The following USP48 variants were observed in gnomAD, a reference collection of about 807,000 sequenced individuals.
USP48 encodes the protein ubiquitin carboxyl-terminal hydrolase 48.
In USP48, 43 loss-of-function variants were observed where a neutral mutation model predicts 150.7. The observed-to-expected ratio is 0.29, with a 90% CI of 0.22 to 0.37. The LOEUF is 0.37. Among genes scored for constraint, USP48 ranks in the 10% least tolerant of loss-of-function variants. The pLI is 1.00. For missense variants in USP48, 813 were observed against 1,249.6 expected (o/e 0.65, Z 5.27); for synonymous variants, 396 against 425.9 (o/e 0.93, Z 0.86).
In USP48 at chr1:21,679,384, G is replaced by T. The variant is rs1028712099; in HGVS notation, c.*33C>A. The T allele has an allele frequency of 1.9e-6, 3 of 1,613,830 alleles. No homozygotes were observed. The highest frequency in any genetic ancestry group is 2.5e-6 in the Non-Finnish European group (3 of 1,179,828). On this transcript the variant is annotated 3_prime_UTR_variant, in exon 27 of 27. Coordinates refer to ENST00000308271, the MANE Select transcript of USP48 (RefSeq NM_032236.8). ...CATGTCAAACTCCTCTTCCCCTCTG[G>T]TCATTTCTTAGCAGTCAGCAAGTAT...
At chr1:21,694,594 A>AAAAAAAAC (rs2097618224) in intron 23 of USP48, among the ~76,000 whole-genome samples, 1 of 123,372 alleles carries the variant, frequency 8.1e-6, no homozygotes, top group East Asian at 2.2e-4. Flanking sequence ...AAAAAAAAAA[A>AAAAAAAAC]AAAAAAAAAA....
intron 1 of USP48, among the ~76,000 whole-genome samples, chr1:21,759,946 G>C (rs2097846103): frequency 2.6e-5 from 4 of 152,098 alleles, no homozygotes; most frequent in African/African-American, 7.2e-5. Context: ...TAATTACAAA[G>C]GGAAAGATAA....
rs143047766 is a variant in USP48, at chr1:21,703,614, G to C, written c.2520C>G (p.Leu840=). ...ATAAGCCTTCTCTGCATTCTGGACA[G>C]AGTTCTTTGGGGGAAAAAAAAAAAG... is the stretch of plus-strand genomic sequence containing the variant. ...SETQYISEPK[L]CPECREGLLC... The change falls in exon 21 of 27, where the codon CTC becomes CTG. Residue 840 remains leucine (L), a synonymous_variant. Transcript: ENST00000308271. 6 of 1,598,296 alleles carry C rather than the reference G, an allele frequency of 3.8e-6. No homozygotes were observed. The African/African-American group carries it at 8.1e-5, about 22-fold the overall frequency.
At chr1:21,722,619 T>A (rs551816898) in intron 12 of USP48, among the ~76,000 whole-genome samples, 156 of 143,714 alleles carry the variant, frequency 1.1e-3, no homozygotes, top group African/African-American at 3.8e-3. Flanking sequence ...CCGAGGCAGG[T>A]CAATCACTTG....
At chr1:21,778,860 C>T (rs2097907077) in intron 1 of USP48, among the ~76,000 whole-genome samples, 2 of 151,846 alleles carry the variant, frequency 1.3e-5, no homozygotes, top group Admixed American at 6.6e-5. Context: ...TGCCATTCTC[C>T]TGCCTTTGCC....
chr1:21,693,006 G>A (rs2097607560), intron 23 of USP48, among the ~76,000 whole-genome samples: 1 of 152,104 alleles, frequency 6.6e-6, no homozygotes, highest in Non-Finnish European at 1.5e-5. Flanking sequence ...CAGGAACCAT[G>A]AAAACCCTGT....
At chr1:21,746,317 C>T (rs572414048) in intron 8 of USP48, among the ~76,000 whole-genome samples, 11 of 152,162 alleles carry the variant, frequency 7.2e-5, no homozygotes, top group Admixed American at 2.0e-4. Flanking sequence ...TTGGCCAACA[C>T]GGCAAAACCC....
chr1:21,777,495 A>G (rs2152655684), intron 1 of USP48, among the ~76,000 whole-genome samples: 1 of 152,014 alleles, frequency 6.6e-6, no homozygotes, highest in African/African-American at 2.4e-5. Context: ...TAAGACCCCA[A>G]CTCTACAAAA....
chr1:21,721,196 T>A, intron 13 of USP48, 30 bp from the exon 14 acceptor site: 2 of 1,611,378 alleles, frequency 1.2e-6, no homozygotes, highest in Non-Finnish European at 1.7e-6. Flanking sequence ...TTAAATCATA[T>A]AAGTAATATT....
In USP48 at chr1:21,706,229, G is replaced by A. The variant is rs376581117; in HGVS notation, c.2212-42C>T. ...ACAAAACAGTATCCGTCAATTCACC[G>A]CCTGCTTAACACAAATTCCTTATAA... is the stretch of plus-strand genomic sequence containing the variant. On this transcript the variant is annotated intron_variant, in intron 17 of 26. Coordinates refer to ENST00000308271, the MANE Select transcript of USP48 (RefSeq NM_032236.8). 23 of 1,595,140 alleles carry A rather than the reference G, an allele frequency of 1.4e-5. No individual in the cohort carries two copies. The African/African-American group carries it at 2.8e-4, about 20-fold the overall frequency.
At position 21,752,956 on chromosome 1, in the gene USP48, T is replaced by C. The variant is rs2097820426; in HGVS notation, c.540+36A>G. The C allele has an allele frequency of 2.6e-6, 4 of 1,555,088 alleles. No individual in the cohort carries two copies. The East Asian group carries it at 9.2e-5, about 36-fold the overall frequency. On this transcript the variant is annotated intron_variant, in intron 4 of 26. Transcript: ENST00000308271. ...CATGCTTAGGATGTTTGGGTACCTC[T>C]GAATATTTAAAAAAAAAAAAAAATT... is the stretch of plus-strand genomic sequence containing the variant.
At chr1:21,723,209 TCA>T (rs1184624439) in intron 12 of USP48, among the ~76,000 whole-genome samples, 1 of 152,110 alleles carries the variant, frequency 6.6e-6, no homozygotes, top group Non-Finnish European at 1.5e-5. Context: ...CATCTACAGC[TCA>T]CACACTGTTA....
chr1:21,714,925 T>TA (rs1229962099), intron 15 of USP48, among the ~76,000 whole-genome samples: 1 of 151,790 alleles, frequency 6.6e-6, no homozygotes, highest in Non-Finnish European at 1.5e-5. Flanking sequence ...GGGAGGCAAA[T>TA]TTAAAAATTA....
At chr1:21,781,363 A>G (rs1009661478) in intron 1 of USP48, among the ~76,000 whole-genome samples, 4 of 152,094 alleles carry the variant, frequency 2.6e-5, no homozygotes, top group African/African-American at 9.7e-5. Context: ...CGCTTGAACC[A>G]AGGAGGCAGA....
chr1:21,721,222 CCCTT>C, intron 13 of USP48, 56 bp from the exon 14 acceptor site: 1 of 1,588,046 alleles, frequency 6.3e-7, no homozygotes, highest in Non-Finnish European at 8.6e-7. Context: ...ACACTGTCCT[CCCTT>C]CTTTGCCTGT....
chr1:21,700,790 T>C (rs2097653276), intron 22 of USP48, among the ~76,000 whole-genome samples: 1 of 152,180 alleles, frequency 6.6e-6, no homozygotes, highest in Non-Finnish European at 1.5e-5. Flanking sequence ...AGACAATTTA[T>C]GGGCCGGATG....
chr1:21,740,441 T>A (rs545319900), intron 8 of USP48, among the ~76,000 whole-genome samples: 3 of 152,232 alleles, frequency 2.0e-5, no homozygotes, highest in Admixed American at 2.0e-4. Flanking sequence ...CTTATACTTA[T>A]ATTTTGGGAC....
rs754603038 is a variant in USP48, at chr1:21,703,629, A to AAAAAAAAAGGGGAG, written c.2516-12_2516-11insCTCCCCTTTTTTTT. On this transcript the variant is annotated splice_polypyrimidine_tract_variant and intron_variant, in intron 20 of 26. Coordinates refer to ENST00000308271, the MANE Select transcript of USP48 (RefSeq NM_032236.8). ...ATTCTGGACAGAGTTCTTTGGGGGA[A>AAAAAAAAAGGGGAG]AAAAAAAAAGGGAAAACAGAAGTGG... The AAAAAAAAAGGGGAG allele has an allele frequency of 2.8e-6, 4 of 1,444,754 alleles. No homozygotes were observed. The South Asian group carries it at 3.9e-5, about 14-fold the overall frequency. 89.5% of individuals were successfully genotyped at this position (1,444,754 alleles called of 1,614,324 possible). A position where few individuals can be genotyped will look rare whatever the true frequency, so the allele number is the denominator to read the frequency against.
chr1:21,729,834 T>C lies in USP48; in HGVS notation c.1172-2A>G. 6.2e-7 allele frequency: 1 copy of C among 1,614,018 alleles called. No homozygotes were observed. The highest frequency in any genetic ancestry group is 8.5e-7 in the Non-Finnish European group (1 of 1,179,942). On this transcript the variant is annotated splice_acceptor_variant, in intron 9 of 26. Coordinates refer to ENST00000308271, the MANE Select transcript of USP48 (RefSeq NM_032236.8). LOFTEE classifies it high-confidence loss of function. Reference sequence around the variant, plus strand: ...GTGTCTGAGACTTAGAAGGTTCTGCTGAGATAGAGAAATCAAAAGGTACCT... The same window carrying C: ...GTGTCTGAGACTTAGAAGGTTCTGCCGAGATAGAGAAATCAAAAGGTACCT...
Sources: allele counts gnomAD v4.1 joint callset (sites outside exome capture counted in the v4.1 genomes callset), GRCh38; gene constraint gnomAD v4.1.1; transcripts MANE v1.5; gene names NCBI Gene and HGNC (gene_info 2026-07-23, HGNC 2026-07-21).